Variants in KCTD16 observed in about 807,000 individuals in gnomAD.
The protein encoded by KCTD16 is potassium channel tetramerization domain containing 16.
A neutral mutation model predicts 33.2 loss-of-function variants in KCTD16; 13 were observed. That is an observed-to-expected ratio of 0.39 (90% CI 0.25 to 0.62). The LOEUF is 0.62. KCTD16 is among the 20% of genes least tolerant of loss of function. KCTD16 has a pLI of 0.50. For synonymous variants in KCTD16, 197 were observed against 195.3 expected, an observed-to-expected ratio of 1.01 and a Z score of -0.07; for missense variants, 441 against 525.1, an observed-to-expected ratio of 0.84 and a Z score of 1.57.
intron 3 of KCTD16, among the ~76,000 whole-genome samples, chr5:144,465,088 A>G (rs1356627481): frequency 6.6e-6 from 1 of 152,032 alleles, no homozygotes; most frequent in Non-Finnish European, 1.5e-5. Flanking sequence ...TGCTGATTGC[A>G]AAGATTCAAT....
At chr5:144,426,249 C>A (rs1313612823) in intron 3 of KCTD16, among the ~76,000 whole-genome samples, 3 of 152,156 alleles carry the variant, frequency 2.0e-5, no homozygotes, top group Admixed American at 6.6e-5. Context: ...ACCAGGATGG[C>A]TTTTATTCCA....
chr5:144,216,644 G>C (rs1471290527), intron 3 of KCTD16, among the ~76,000 whole-genome samples: 2 of 152,060 alleles, frequency 1.3e-5, no homozygotes, highest in South Asian at 4.1e-4. Flanking sequence ...AGGAGTTTGA[G>C]ACCAGCCTGG....
intron 3 of KCTD16, among the ~76,000 whole-genome samples, chr5:144,260,203 C>T (rs1754968086): frequency 6.6e-6 from 1 of 152,166 alleles, no homozygotes; most frequent in Admixed American, 6.5e-5. Flanking sequence ...GAAAACCTCT[C>T]CTGTGGCTCC....
intron 3 of KCTD16, among the ~76,000 whole-genome samples, chr5:144,253,879 C>T (rs1053012054): frequency 3.3e-5 from 5 of 152,122 alleles, no homozygotes; most frequent in Non-Finnish European, 7.4e-5. Flanking sequence ...TATACTTAAA[C>T]TTTAAAAAAT....
chr5:144,482,046 A>G lies in KCTD16; in HGVS notation c.*7932A>G, dbSNP rs977182824. ...TAGCACATAAAGGCTCATAGCTAAA[A>G]AGTGGCAGAGCCAGATTTTCCTCTG... On this transcript the variant is annotated 3_prime_UTR_variant, in exon 4 of 4. Transcript: ENST00000512467. The G allele has an allele frequency of 6.6e-6, 1 of 151,930 alleles. No homozygotes were observed. The highest frequency in any genetic ancestry group is 2.4e-5 in the African/African-American group (1 of 41,390). 9.4% of individuals were successfully genotyped at this position (151,930 alleles called of 1,614,324 possible). A position where few individuals can be genotyped will look rare whatever the true frequency, so the allele number is the denominator to read the frequency against.
intron 3 of KCTD16, among the ~76,000 whole-genome samples, chr5:144,395,730 C>T (rs1016396259): frequency 2.0e-5 from 3 of 152,200 alleles, no homozygotes; most frequent in Non-Finnish European, 4.4e-5. Context: ...CAGGCCATCT[C>T]TTCCCACCAT....
intron 3 of KCTD16, among the ~76,000 whole-genome samples, chr5:144,391,484 C>G (rs1208709728): frequency 6.6e-6 from 1 of 152,150 alleles, no homozygotes; most frequent in Non-Finnish European, 1.5e-5. Context: ...AACACTGTCC[C>G]CACATGAATA....
intron 3 of KCTD16, among the ~76,000 whole-genome samples, chr5:144,255,353 T>C (rs1754815807): frequency 6.6e-6 from 1 of 152,162 alleles, no homozygotes; most frequent in Admixed American, 6.5e-5. Flanking sequence ...TATCTGTAAG[T>C]GGGATTTTTT....
chr5:144,203,707 CA>C (rs1406768170), intron 2 of KCTD16, among the ~76,000 whole-genome samples: 3 of 152,178 alleles, frequency 2.0e-5, no homozygotes, highest in South Asian at 4.1e-4. Context: ...AGAAATAAAA[CA>C]TTTGCTTACT....
chr5:144,361,642 T>C (rs1235941323), intron 3 of KCTD16, among the ~76,000 whole-genome samples: 2 of 152,188 alleles, frequency 1.3e-5, no homozygotes, highest in South Asian at 2.1e-4. Context: ...TTTTGGGGTA[T>C]AGAAGGAGAA....
At chr5:144,196,210 C>T (rs1422592467) in intron 2 of KCTD16, among the ~76,000 whole-genome samples, 1 of 152,124 alleles carries the variant, frequency 6.6e-6, no homozygotes, top group Non-Finnish European at 1.5e-5. Flanking sequence ...GGGAAGGACT[C>T]TATGTCGGCT....
At chr5:144,342,712 G>C (rs1203734735) in intron 3 of KCTD16, among the ~76,000 whole-genome samples, 1 of 152,070 alleles carries the variant, frequency 6.6e-6, no homozygotes, top group Non-Finnish European at 1.5e-5. Context: ...ATTGGCTGTG[G>C]GTTTGTCATA....
At chr5:144,417,470 CTTTT>C (rs1309637600) in intron 3 of KCTD16, among the ~76,000 whole-genome samples, 1 of 151,922 alleles carries the variant, frequency 6.6e-6, no homozygotes, top group Non-Finnish European at 1.5e-5. Context: ...CTGAGTTTGC[CTTTT>C]TTGTTATTGT....
chr5:144,176,708 T>C (rs921391978), intron 2 of KCTD16, among the ~76,000 whole-genome samples: 16 of 152,332 alleles, frequency 1.1e-4, no homozygotes, highest in South Asian at 6.2e-4. Flanking sequence ...GGCCAAGATA[T>C]AGTGTTTCTT....
chr5:144,456,209 C>CA (rs1303727159), intron 3 of KCTD16, among the ~76,000 whole-genome samples: 7 of 151,676 alleles, frequency 4.6e-5, no homozygotes, highest in African/African-American at 1.7e-4. Context: ...CACAAACCCC[C>CA]CCCAACAAAA....
In KCTD16 at chr5:144,301,588, A is replaced by G. The variant is rs530764874; in HGVS notation, c.832+94042A>G. Reference sequence around the variant, plus strand: ...GTGCTTGGAAAATTCTTGCCTTAAGAATGGATTAAGAATCCATCTCTACTT... The same window carrying G: ...GTGCTTGGAAAATTCTTGCCTTAAGGATGGATTAAGAATCCATCTCTACTT... On this transcript the variant is annotated intron_variant, in intron 3 of 3. Coordinates refer to ENST00000512467, the MANE Select transcript of KCTD16 (RefSeq NM_020768.4). 7.2e-5 allele frequency among the ~76,000 whole-genome samples: 11 copies of G among 152,314 alleles called. No homozygotes were observed. In the East Asian group the frequency reaches 2.1e-3, roughly 29 times the overall value.
chr5:144,252,086 G>A (rs951392104), intron 3 of KCTD16, among the ~76,000 whole-genome samples: 1 of 152,068 alleles, frequency 6.6e-6, no homozygotes, highest in African/African-American at 2.4e-5. Flanking sequence ...GCTTCACATA[G>A]TTATTATAAA....
intron 3 of KCTD16, among the ~76,000 whole-genome samples, chr5:144,427,258 AG>A (rs760679675): frequency 6.7e-6 from 1 of 149,260 alleles, no homozygotes; most frequent in Non-Finnish European, 1.5e-5. Context: ...AAGCGGGGGG[AG>A]GGGGGTGAGT....
At chr5:144,366,461 C>T (rs1031375522) in intron 3 of KCTD16, among the ~76,000 whole-genome samples, 6 of 152,146 alleles carry the variant, frequency 3.9e-5, no homozygotes, top group African/African-American at 1.4e-4. Flanking sequence ...GATCAGTTCC[C>T]ATCAATTCCA....
Sources: gnomAD v4.1 joint callset for allele counts (sites outside exome capture counted in the v4.1 genomes callset) on GRCh38, gnomAD v4.1.1 for gene constraint, MANE v1.5 for transcripts, NCBI Gene and HGNC (gene_info 2026-07-23, HGNC 2026-07-21) for gene names.